The following RANBP17 variants were observed in gnomAD, a reference collection of about 807,000 sequenced individuals.
The protein encoded by RANBP17 is RAN binding protein 17.
In RANBP17, 158 loss-of-function variants were observed where a neutral mutation model predicts 141.2. The ratio of observed to expected loss-of-function variants is 1.12; its 90% CI spans 0.98 to 1.28. The LOEUF is 1.28. Ranked by LOEUF, RANBP17 falls within the 50% of genes most tolerant of loss-of-function variation. The probability of loss-of-function intolerance (pLI) is 0.00; values close to 1 mark genes in which losing one functional copy is unlikely to be tolerated. For synonymous variants in RANBP17, 430 were observed against 450.0 expected (o/e 0.96, Z 0.56); for missense variants, 1,438 against 1,290.7 (o/e 1.11, Z -1.75).
chr5:171,222,896 T>C (rs964765235), intron 22 of RANBP17, among the ~76,000 whole-genome samples: 1 of 152,160 alleles, frequency 6.6e-6, no homozygotes, highest in African/African-American at 2.4e-5. Context: ...CCCAAAGTAA[T>C]GGGATTACAG....
chr5:171,159,952 GA>G (rs1759220787), intron 14 of RANBP17, among the ~76,000 whole-genome samples: 2 of 139,538 alleles, frequency 1.4e-5, no homozygotes, highest in South Asian at 2.4e-4. Flanking sequence ...GAAAAAAGAA[GA>G]AAATTTGGAC....
intron 1 of RANBP17, among the ~76,000 whole-genome samples, chr5:170,876,749 G>T (rs905945121): frequency 6.6e-6 from 1 of 152,078 alleles, no homozygotes; most frequent in Non-Finnish European, 1.5e-5. Context: ...GGTGTTACTT[G>T]TGTATTCCTT....
rs560732546 is a variant in RANBP17 at position 171,124,185 on chromosome 5, A to G, written c.1711-45945A>G. On this transcript the variant is annotated intron_variant, in intron 14 of 27. Transcript: ENST00000523189. ...ATAGATGGCACAACATCGTGAAACC[A>G]AAGAATTCAGTGAATGAAATTTAAA... 2.0e-5 allele frequency among the ~76,000 whole-genome samples: 3 copies of G among 152,272 alleles called. No homozygotes were observed. In the South Asian group the frequency reaches 6.2e-4, roughly 32 times the overall value.
chr5:171,089,745 C>G (rs915141755), intron 14 of RANBP17, among the ~76,000 whole-genome samples: 6 of 152,180 alleles, frequency 3.9e-5, no homozygotes. Context: ...TCACCCCTTT[C>G]TTTGACTCGG....
intron 19 of RANBP17, among the ~76,000 whole-genome samples, chr5:171,204,624 C>T (rs559864806): frequency 8.6e-4 from 131 of 152,078 alleles, no homozygotes; most frequent in Non-Finnish European, 1.6e-3. Context: ...CTCTTTGTTC[C>T]GACATTCTAG....
intron 24 of RANBP17, chr5:171,251,831 T>G (rs894311880): frequency 4.7e-6 from 6 of 1,271,828 alleles, no homozygotes; most frequent in Non-Finnish European, 6.9e-6. Context: ...CTAATGACAG[T>G]CTCCAAATTC....
At chr5:171,092,513 G>A (rs1052926610) in intron 14 of RANBP17, among the ~76,000 whole-genome samples, 1 of 152,104 alleles carries the variant, frequency 6.6e-6, no homozygotes, top group African/African-American at 2.4e-5. Context: ...CAACCATTAG[G>A]ACAAACCCGG....
At chr5:170,924,649 T>C in intron 12 of RANBP17, 99 bp downstream of exon 12, 1 of 756,308 alleles carries the variant, frequency 1.3e-6, no homozygotes, top group Non-Finnish European at 2.0e-6. Flanking sequence ...TTATGTATTT[T>C]CCCCAATTCC....
chr5:171,288,098 T>C (rs1474241062), intron 25 of RANBP17, among the ~76,000 whole-genome samples: 6 of 152,212 alleles, frequency 3.9e-5, no homozygotes, highest in African/African-American at 1.4e-4. Flanking sequence ...AAGTCATTAT[T>C]TTTATCAAAA....
At position 171,141,489 on chromosome 5, in the gene RANBP17, G is replaced by A. The variant is rs564039661; in HGVS notation, c.1711-28641G>A. 3.3e-5 allele frequency among the ~76,000 whole-genome samples: 5 copies of A among 150,950 alleles called. No homozygotes were observed. In the East Asian group the frequency reaches 5.8e-4, roughly 18 times the overall value. ...AGGCGTGGTGGTGGGCACCTGTAGC[G>A]CCAGCTTCTGGGGAGGCGGAGGGAG... On this transcript the variant is annotated intron_variant, in intron 14 of 27. Transcript: ENST00000523189.
chr5:171,135,085 A>G (rs910631885), intron 14 of RANBP17, among the ~76,000 whole-genome samples: 6 of 151,970 alleles, frequency 3.9e-5, no homozygotes, highest in South Asian at 2.1e-4. Context: ...CCTGGCCAAC[A>G]TGGTGAAATC....
At chr5:171,251,816 A>G in intron 24 of RANBP17, 2 of 1,241,412 alleles carry the variant, frequency 1.6e-6, no homozygotes, top group Non-Finnish European at 2.4e-6. Flanking sequence ...GGCCGGATGT[A>G]AATCCTAATG....
At chr5:170,968,902 TAAAGTA>T (rs1423071066) in intron 14 of RANBP17, among the ~76,000 whole-genome samples, 1 of 151,826 alleles carries the variant, frequency 6.6e-6, no homozygotes, top group East Asian at 1.9e-4. Context: ...GACTTGATCT[TAAAGTA>T]TAATGAAAGA....
chr5:171,287,179 T>A (rs1768217482), intron 25 of RANBP17, among the ~76,000 whole-genome samples: 1 of 152,196 alleles, frequency 6.6e-6, no homozygotes, highest in Admixed American at 6.5e-5. Context: ...CCTCTTCCCA[T>A]TAAGGCTGAC....
intron 24 of RANBP17, among the ~76,000 whole-genome samples, chr5:171,253,577 A>G (rs1765707785): frequency 6.6e-6 from 1 of 152,178 alleles, no homozygotes; most frequent in Non-Finnish European, 1.5e-5. Flanking sequence ...GTAGGGAGCA[A>G]TTGGTCAAAA....
At chr5:171,170,313 TA>T in intron 15 of RANBP17, 110 bp downstream of exon 15, 1 of 470,858 alleles carries the variant, frequency 2.1e-6, no homozygotes, top group South Asian at 6.4e-5. Context: ...ATAAAAGACT[TA>T]AAATTATGCT....
At chr5:171,239,397 A>T (rs1764728102) in intron 22 of RANBP17, among the ~76,000 whole-genome samples, 1 of 152,190 alleles carries the variant, frequency 6.6e-6, no homozygotes, top group Non-Finnish European at 1.5e-5. Flanking sequence ...CTCTTAGTAC[A>T]CATGTGATTA....
chr5:170,924,573 C>G (rs1206485533), intron 12 of RANBP17, 23 bp downstream of exon 12: 2 of 1,456,530 alleles, frequency 1.4e-6, no homozygotes, highest in Non-Finnish European at 1.9e-6. Context: ...TATATGACTA[C>G]TGAGTATTAT....
At chr5:171,063,497 T>A (rs1784064623) in intron 14 of RANBP17, among the ~76,000 whole-genome samples, 1 of 152,248 alleles carries the variant, frequency 6.6e-6, no homozygotes, top group Non-Finnish European at 1.5e-5. Flanking sequence ...CCGCGAATGC[T>A]GCTGTCTGAT....
Sources: gnomAD v4.1 joint callset for allele counts (sites outside exome capture counted in the v4.1 genomes callset) on GRCh38, gnomAD v4.1.1 for gene constraint, MANE v1.5 for transcripts, NCBI Gene and HGNC (gene_info 2026-07-23, HGNC 2026-07-21) for gene names.